Variants in SHROOM3 observed in about 807,000 individuals in gnomAD.
SHROOM3 encodes protein Shroom3.
SHROOM3 carries 47 observed loss-of-function variants against 138.6 expected under a neutral mutation model. The observed-to-expected ratio is 0.34, with a 90% confidence interval of 0.27 to 0.43. SHROOM3 has a LOEUF of 0.43. SHROOM3 is among the 20% of genes least tolerant of loss of function. The pLI, the probability that SHROOM3 is intolerant of heterozygous loss-of-function variation, is 1.00. For missense variants in SHROOM3, 2,491 were observed against 2,596.5 expected (o/e 0.96, Z 0.88); for synonymous variants, 1,062 against 1,063.3 (o/e 1.00, Z 0.02).
chr4:76,759,425 A>G (rs1721923855), intron 8 of SHROOM3, 120 bp from the exon 9 acceptor site: 2 of 1,363,102 alleles, frequency 1.5e-6, no homozygotes, highest in African/African-American at 1.4e-5. Flanking sequence ...AGTTTATCCT[A>G]ATTTCTGGGA....
chr4:76,544,817 A>G (rs1034171241), intron 1 of SHROOM3, among the ~76,000 whole-genome samples: 11 of 152,224 alleles, frequency 7.2e-5, no homozygotes, highest in Non-Finnish European at 1.6e-4. Flanking sequence ...CGTTGATGGA[A>G]CAGCAGGAAA....
intron 2 of SHROOM3, among the ~76,000 whole-genome samples, chr4:76,692,211 G>C (rs1182251775): frequency 6.6e-6 from 1 of 152,208 alleles, no homozygotes; most frequent in Non-Finnish European, 1.5e-5. Flanking sequence ...ACAGCCTTCA[G>C]CTTGTGGGAT....
intron 2 of SHROOM3, among the ~76,000 whole-genome samples, chr4:76,683,098 A>C (rs1422789264): frequency 6.6e-6 from 1 of 152,190 alleles, no homozygotes; most frequent in Non-Finnish European, 1.5e-5. Flanking sequence ...AACAAGTATC[A>C]TATTTATTTG....
At chr4:76,669,663 T>A (rs535856184) in intron 2 of SHROOM3, among the ~76,000 whole-genome samples, 2 of 152,176 alleles carry the variant, frequency 1.3e-5, no homozygotes, top group Non-Finnish European at 2.9e-5. Flanking sequence ...TAAATAAACT[T>A]TTTGCTTAAA....
Position 76,769,356 on chromosome 4 carries a change from T to C in SHROOM3, c.5350-1270T>C, listed in dbSNP as rs1722273386. On this transcript the variant is annotated intron_variant, in intron 9 of 10. Transcript: ENST00000296043. ...AGCAGTAAAAAAAAAAAAGTAAGTT[T>C]TAACTAAAAAAGATTGTCTTCTTTC... 2.0e-5 allele frequency among the ~76,000 whole-genome samples: 3 copies of C among 151,796 alleles called. No individual in the cohort carries two copies. The South Asian group carries it at 6.2e-4, about 31-fold the overall frequency.
chr4:76,468,091 G>A (rs1022248872), intron 1 of SHROOM3, among the ~76,000 whole-genome samples: 2 of 152,202 alleles, frequency 1.3e-5, no homozygotes, highest in Non-Finnish European at 2.9e-5. Flanking sequence ...CAGCCCACTG[G>A]GAAAGTGTGC....
chr4:76,722,690 C>T (rs1490823619), intron 3 of SHROOM3, among the ~76,000 whole-genome samples: 1 of 152,010 alleles, frequency 6.6e-6, no homozygotes, highest in Non-Finnish European at 1.5e-5. Flanking sequence ...TTATCCCCAG[C>T]TAAGCACAGT....
chr4:76,573,142 A>C (rs1427328706), intron 2 of SHROOM3, among the ~76,000 whole-genome samples: 1 of 151,862 alleles, frequency 6.6e-6, no homozygotes, highest in Non-Finnish European at 1.5e-5. Flanking sequence ...GAAACTCAAT[A>C]AAATTGAGAT....
chr4:76,436,240 A>T lies in SHROOM3; in HGVS notation c.168+20A>T. The stretch of plus-strand genomic sequence containing the variant: ...TCTAAGGTATGTTTCTTTTTCCAAT[A>T]TTGCCTTTATTCAAATTGTTTTTTT... On this transcript the variant is annotated intron_variant, in intron 1 of 10. Transcript: ENST00000296043. The T allele has an allele frequency of 6.2e-7, 1 of 1,613,288 alleles. No individual in the cohort carries two copies.
In SHROOM3 at chr4:76,755,097, C is replaced by A. The variant is rs758484258; in HGVS notation, c.4614C>A (p.Thr1538=). 1.2e-6 allele frequency: 2 copies of A among 1,601,374 alleles called. No homozygotes were observed. Among genetic ancestry groups the A allele is most frequent in the Admixed American group, 3.4e-5 (2 of 59,218 alleles). Reference sequence around the variant, plus strand: ...CACCTCCTCCACCGAGTCAGGAAACCCCGGTGTATAGCATGGATGACTTCC... The same window carrying A: ...CACCTCCTCCACCGAGTCAGGAAACACCGGTGTATAGCATGGATGACTTCC... ...PPPPPPPSQE[T]PVYSMDDFPP... The change falls in exon 7 of 11, where the codon ACC becomes ACA. Residue 1538 remains threonine (T), a synonymous_variant. Coordinates refer to ENST00000296043, the MANE Select transcript of SHROOM3 (RefSeq NM_020859.4).
intron 1 of SHROOM3, among the ~76,000 whole-genome samples, chr4:76,534,191 T>C (rs985704204): frequency 6.6e-6 from 1 of 152,358 alleles, no homozygotes; most frequent in South Asian, 2.1e-4. Context: ...AGTGGAGCCT[T>C]ATGGGTTATT....
intron 3 of SHROOM3, among the ~76,000 whole-genome samples, chr4:76,711,033 G>A (rs1720216199): frequency 6.6e-6 from 1 of 152,144 alleles, no homozygotes; most frequent in South Asian, 2.1e-4. Flanking sequence ...AGCCCACTCA[G>A]AACAAAAAAT....
At chr4:76,761,514 G>A (rs977563633) in intron 9 of SHROOM3, among the ~76,000 whole-genome samples, 1 of 152,062 alleles carries the variant, frequency 6.6e-6, no homozygotes, top group Non-Finnish European at 1.5e-5. Context: ...AGAATTTAAG[G>A]GCTGGGGTCA....
At position 76,778,796 on chromosome 4, in the gene SHROOM3, T is replaced by C; in HGVS notation, c.5623-13T>C. On this transcript the variant is annotated splice_polypyrimidine_tract_variant and intron_variant, in intron 10 of 10. Transcript: ENST00000296043. Reference sequence around the variant, plus strand: ...CCCTGGCCTTCATTGATCTGTCCAATTTTCCCTGGCAGAGCTCTCTTTACG... The same window carrying C: ...CCCTGGCCTTCATTGATCTGTCCAACTTTCCCTGGCAGAGCTCTCTTTACG... 1 of 1,612,166 alleles carries C rather than the reference T, an allele frequency of 6.2e-7. No individual in the cohort carries two copies. Among genetic ancestry groups the C allele is most frequent in the South Asian group, 1.1e-5 (1 of 90,960 alleles).
At chr4:76,484,762 T>C (rs1225908493) in intron 1 of SHROOM3, among the ~76,000 whole-genome samples, 1 of 152,174 alleles carries the variant, frequency 6.6e-6, no homozygotes, top group African/African-American at 2.4e-5. Flanking sequence ...GTAAGAGGAT[T>C]GTAATTACAG....
At chr4:76,575,676 C>T (rs1157609144) in intron 2 of SHROOM3, 2 of 151,976 alleles carry the variant, frequency 1.3e-5, no homozygotes, top group Non-Finnish European at 2.9e-5. Context: ...AAAAGTAATC[C>T]CATTTACAAT....
chr4:76,749,284 G>C (rs902509588), intron 6 of SHROOM3, among the ~76,000 whole-genome samples, 194 bp downstream of exon 6: 1 of 151,998 alleles, frequency 6.6e-6, no homozygotes. Flanking sequence ...TGTGCACAAC[G>C]TGCAGGTTTG....
At chr4:76,441,086 GTTTTT>G (rs374530154) in intron 1 of SHROOM3, among the ~76,000 whole-genome samples, 1 of 82,188 alleles carries the variant, frequency 1.2e-5, no homozygotes, top group Admixed American at 2.0e-4. Flanking sequence ...AGTTCAATTT[GTTTTT>G]TTTTTTTTTT....
rs1721175769 is a variant in SHROOM3 at position 76,739,389 on chromosome 4, A to G, written c.1216A>G (p.Ser406Gly). 1 of 1,614,028 alleles carries G rather than the reference A, an allele frequency of 6.2e-7. No individual in the cohort carries two copies. Among genetic ancestry groups the G allele is most frequent in the African/African-American group, 1.3e-5 (1 of 74,930 alleles). The change falls in exon 5 of 11, where the codon AGC (serine) becomes GGC (glycine). Residue 406 changes from serine (S) to glycine (G), a missense_variant. Transcript: ENST00000296043. The part of the protein sequence containing the change: ...RHRERPSSWS[S>G]LDQKRLCRPQ... ...CCGTGAGCGGCCCAGCTCCTGGTCT[A>G]GCCTTGATCAGAAACGGCTCTGCCG...
Sources: gnomAD v4.1 joint callset for allele counts (sites outside exome capture counted in the v4.1 genomes callset) on GRCh38, gnomAD v4.1.1 for gene constraint, MANE v1.5 for transcripts, NCBI Gene and HGNC (gene_info 2026-07-23, HGNC 2026-07-21) for gene names.